Variants in SPOCK3 observed in about 807,000 individuals in gnomAD.
The protein encoded by SPOCK3 is SPARC (osteonectin), cwcv and kazal like domains proteoglycan 3, also known as testican-3.
A neutral mutation model predicts 56.6 loss-of-function variants in SPOCK3; 30 were observed. The ratio of observed to expected loss-of-function variants is 0.53; its 90% CI spans 0.40 to 0.72. SPOCK3 has a LOEUF of 0.72. Among genes scored for constraint, SPOCK3 ranks in the 30% least tolerant of loss-of-function variants. The pLI is 0.00. For missense variants in SPOCK3, 527 were observed against 530.0 expected (o/e 0.99, Z 0.06); for synonymous variants, 196 against 183.3 (o/e 1.07, Z -0.56).
In SPOCK3 at chr4:166,949,232, T is replaced by C. The variant is rs1206114559; in HGVS notation, c.351-36489A>G. On this transcript the variant is annotated intron_variant, in intron 4 of 10. Transcript: ENST00000357545. ...CACTTCTCTGTATTGGTTATTCTAG[T>C]TATACATTCGTCTAAATTTTTTTCA... Among the ~76,000 whole-genome samples, 3 of 152,146 alleles carry C rather than the reference T, an allele frequency of 2.0e-5. 1 individual carries two copies. The highest frequency in any genetic ancestry group is 1.3e-4 in the Admixed American group (2 of 15,280).
intron 2 of SPOCK3, among the ~76,000 whole-genome samples, chr4:167,119,036 A>G (rs1173184181): frequency 6.6e-6 from 1 of 151,568 alleles, no homozygotes; most frequent in Non-Finnish European, 1.5e-5. Flanking sequence ...GGCCGAATCA[A>G]GAAGTTCATC....
At position 166,871,480 on chromosome 4, in the gene SPOCK3, G is replaced by T. The variant is rs139550108; in HGVS notation, c.589+17650C>A. 3.0e-3 allele frequency among the ~76,000 whole-genome samples: 454 copies of T among 152,134 alleles called. 4 individuals are homozygous for T. The highest frequency in any genetic ancestry group is 0.011 in the African/African-American group (444 of 41,534). On this transcript the variant is annotated intron_variant, in intron 6 of 10. Transcript: ENST00000357545. ...AGTAAAACAAACCATGTCCTTGGCA[G>T]ACTCAAACCACCAAAACTCTTTTAA...
At chr4:167,057,112 A>G (rs992382977) in intron 3 of SPOCK3, among the ~76,000 whole-genome samples, 1 of 152,228 alleles carries the variant, frequency 6.6e-6, no homozygotes, top group Admixed American at 6.5e-5. Context: ...ACAAGCCAGA[A>G]GAGAGTGGGG....
intron 6 of SPOCK3, among the ~76,000 whole-genome samples, chr4:166,870,885 T>A (rs1329374370): frequency 6.6e-6 from 1 of 152,202 alleles, no homozygotes; most frequent in South Asian, 2.1e-4. Flanking sequence ...CCCATGCTCT[T>A]CTCATGATAG....
chr4:166,919,446 C>T (rs1738245365), intron 4 of SPOCK3, among the ~76,000 whole-genome samples: 1 of 152,128 alleles, frequency 6.6e-6, no homozygotes, highest in South Asian at 2.1e-4. Context: ...CATCAATAAA[C>T]TCTTTCAAAA....
intron 4 of SPOCK3, among the ~76,000 whole-genome samples, chr4:166,969,503 C>CT (rs575746291): frequency 1.1e-4 from 12 of 111,058 alleles, no homozygotes; most frequent in Middle Eastern, 4.3e-3. Context: ...GTGTTTAACA[C>CT]TTTTAACACA....
At chr4:167,035,645 CA>C (rs774015191) in intron 3 of SPOCK3, among the ~76,000 whole-genome samples, 22 of 152,152 alleles carry the variant, frequency 1.4e-4, no homozygotes, top group Non-Finnish European at 2.9e-4. Context: ...GCAATTTTCA[CA>C]GTTCTGGTAA....
At chr4:167,093,788 T>G (rs575937352) in intron 2 of SPOCK3, among the ~76,000 whole-genome samples, 1 of 152,332 alleles carries the variant, frequency 6.6e-6, no homozygotes, top group Non-Finnish European at 1.5e-5. Context: ...GAACGATTTA[T>G]AATCCTTTGG....
chr4:166,796,014 C>A (rs1477875189), intron 6 of SPOCK3, among the ~76,000 whole-genome samples: 1 of 152,174 alleles, frequency 6.6e-6, no homozygotes, highest in Admixed American at 6.5e-5. Context: ...ATGGAATCCA[C>A]TCAGATCCTT....
chr4:166,872,701 T>C (rs1732611648), intron 6 of SPOCK3, among the ~76,000 whole-genome samples: 1 of 152,204 alleles, frequency 6.6e-6, no homozygotes, highest in Admixed American at 6.5e-5. Flanking sequence ...TATGAAAGGC[T>C]GCATAGTGTA....
intron 4 of SPOCK3, among the ~76,000 whole-genome samples, chr4:166,966,592 T>G (rs986805249): frequency 6.6e-6 from 1 of 152,194 alleles, no homozygotes; most frequent in African/African-American, 2.4e-5. Flanking sequence ...AAACTGTTAT[T>G]TTATACCGCA....
At chr4:167,206,874 T>C (rs763340726) in intron 2 of SPOCK3, among the ~76,000 whole-genome samples, 1 of 152,030 alleles carries the variant, frequency 6.6e-6, no homozygotes, top group Non-Finnish European at 1.5e-5. Flanking sequence ...TGTTATAGGA[T>C]ACAAAGTTAC....
chr4:167,082,266 T>C (rs1055521437), intron 2 of SPOCK3, among the ~76,000 whole-genome samples: 2 of 152,108 alleles, frequency 1.3e-5, no homozygotes, highest in Admixed American at 6.6e-5. Flanking sequence ...GTTAGTCATA[T>C]GGTTGGATAG....
intron 3 of SPOCK3, among the ~76,000 whole-genome samples, chr4:167,018,961 C>T (rs1580010953): frequency 6.6e-6 from 1 of 152,080 alleles, no homozygotes. Context: ...TTCTCAAGTC[C>T]CTCAAGATCA....
At chr4:167,211,867 T>C (rs181350528) in intron 2 of SPOCK3, among the ~76,000 whole-genome samples, 4 of 152,238 alleles carry the variant, frequency 2.6e-5, no homozygotes, top group Non-Finnish European at 5.9e-5. Context: ...TTTTAATCAA[T>C]TGTTTTAGTG....
At chr4:166,995,428 C>T (rs1320869188) in intron 4 of SPOCK3, among the ~76,000 whole-genome samples, 1 of 151,874 alleles carries the variant, frequency 6.6e-6, no homozygotes, top group Non-Finnish European at 1.5e-5. Context: ...CTTCGTCATC[C>T]TAACTAAAAT....
chr4:167,186,463 C>T (rs753433445), intron 2 of SPOCK3, among the ~76,000 whole-genome samples: 3 of 151,854 alleles, frequency 2.0e-5, no homozygotes, highest in Non-Finnish European at 4.4e-5. Flanking sequence ...CCCATCTCTA[C>T]TGAAAATACA....
At chr4:167,058,281 T>C (rs1755141913) in intron 3 of SPOCK3, among the ~76,000 whole-genome samples, 1 of 152,186 alleles carries the variant, frequency 6.6e-6, no homozygotes, top group Admixed American at 6.5e-5. Flanking sequence ...CTCCTTAAGC[T>C]GATAAGCAAC....
chr4:166,931,494 T>C (rs1739773446), intron 4 of SPOCK3, among the ~76,000 whole-genome samples: 1 of 152,200 alleles, frequency 6.6e-6, no homozygotes. Flanking sequence ...TTTATAATTT[T>C]ATTCCCCTGG....
Sources: gnomAD v4.1 joint callset for allele counts (sites outside exome capture counted in the v4.1 genomes callset) on GRCh38, gnomAD v4.1.1 for gene constraint, MANE v1.5 for transcripts, NCBI Gene and HGNC (gene_info 2026-07-23, HGNC 2026-07-21) for gene names.